Variants in CCK observed in about 807,000 individuals in gnomAD.
The protein encoded by CCK is cholecystokinin, also known as cholecystokinin triacontatriapeptide.
Under a neutral mutation model 10.1 loss-of-function variants are expected in CCK, and 11 were observed. The observed-to-expected ratio is 1.09, with a 90% CI of 0.69 to 1.81. The LOEUF is 1.81. CCK is among the 40% of genes most tolerant of loss of function. The probability of loss-of-function intolerance (pLI) is 0.00; values close to 1 mark genes in which losing one functional copy is unlikely to be tolerated. For missense variants in CCK, 137 were observed against 159.9 expected, an observed-to-expected ratio of 0.86 and a Z score of 0.77; for synonymous variants, 83 against 71.9, an observed-to-expected ratio of 1.15 and a Z score of -0.78.
intron 4 of CCK, 74 bp downstream of exon 4, chr3:42,263,343 G>C: frequency 6.2e-7 from 1 of 1,608,370 alleles, no homozygotes; most frequent in Non-Finnish European, 8.5e-7. Context: ...TCAGGCTAGC[G>C]CTAGAGAAGA....
chr3:42,263,556 G>C lies in CCK; in HGVS notation c.75C>G (p.Pro25=), dbSNP rs1000640715. ...GCAGCCCGGAGCCCGCGGGATCTGC[G>C]GGAGGCACCGGCTGCGTCAGGGCGC... ...AAGALTQPVP[P]ADPAGSGLQR... Residue 25 remains proline, a synonymous_variant, in exon 4 of 5, where the codon CCC becomes CCG. Transcript: ENST00000396169. 5 of 1,610,622 alleles carry C rather than the reference G, an allele frequency of 3.1e-6. No individual in the cohort carries two copies. The highest frequency in any genetic ancestry group is 1.1e-5 in the South Asian group (1 of 90,882).
rs894909573 is a variant in CCK, at chr3:42,264,916, G to C, written c.-213-9C>G. 6.6e-6 allele frequency: 1 copy of C among 152,390 alleles called. No individual in the cohort carries two copies. Among genetic ancestry groups the C allele is most frequent in the Non-Finnish European group, 1.5e-5 (1 of 68,166 alleles). The allele number at this position is 152,390 out of a possible 1,614,324, so 9.4% of individuals were successfully genotyped here. On this transcript the variant is annotated splice_polypyrimidine_tract_variant and intron_variant, in intron 2 of 4. Coordinates refer to ENST00000396169, the MANE Select transcript of CCK (RefSeq NM_000729.6). Reference sequence around the variant, plus strand: ...ACCGGTTGAAGTGGCTCCTGGGAGAGAGGGGGAGGTGGTCTAGTGGGGTGG... The same window carrying C: ...ACCGGTTGAAGTGGCTCCTGGGAGACAGGGGGAGGTGGTCTAGTGGGGTGG...
chr3:42,263,328 C>A (rs1489455302), intron 4 of CCK, 89 bp downstream of exon 4: 3 of 1,592,276 alleles, frequency 1.9e-6, no homozygotes, highest in Non-Finnish European at 2.6e-6. Context: ...GAGAGGTCAT[C>A]CCCATCAGGC....
intron 4 of CCK, among the ~76,000 whole-genome samples, chr3:42,262,015 G>A (rs1711221717): frequency 6.6e-6 from 1 of 152,086 alleles, no homozygotes; most frequent in Non-Finnish European, 1.5e-5. Flanking sequence ...TCCTTCTGAA[G>A]CCTCTGGGTC....
chr3:42,258,349 G>C, intron 4 of CCK, 118 bp from the exon 5 acceptor site: 2 of 1,097,724 alleles, frequency 1.8e-6, no homozygotes, highest in South Asian at 3.2e-5. Flanking sequence ...CCACCTTAAA[G>C]GTATCAAAGA....
intron 3 of CCK, 163 bp from the exon 4 acceptor site, chr3:42,263,795 G>A (rs974216651): frequency 1.0e-5 from 13 of 1,260,860 alleles, no homozygotes; most frequent in African/African-American, 9.4e-5. Flanking sequence ...CCCCAGCCGA[G>A]TGCCATGGCG....
chr3:42,258,437 CAAT>C (rs1232401727), intron 4 of CCK, among the ~76,000 whole-genome samples: 1 of 152,128 alleles, frequency 6.6e-6, no homozygotes, highest in Non-Finnish European at 1.5e-5. Context: ...GGAGAGAGGA[CAAT>C]ATATTTACAA....
At chr3:42,259,217 G>C (rs1577101116) in intron 4 of CCK, among the ~76,000 whole-genome samples, 1 of 152,088 alleles carries the variant, frequency 6.6e-6, no homozygotes, top group Non-Finnish European at 1.5e-5. Flanking sequence ...TGGGGGTTAG[G>C]GGAGGGATAG....
chr3:42,257,952 C>T lies in CCK; in HGVS notation c.*146G>A. The T allele has an allele frequency of 1.2e-6, 1 of 827,764 alleles. No homozygotes were observed. Among genetic ancestry groups the T allele is most frequent in the South Asian group, 2.1e-5 (1 of 48,366 alleles). 51.3% of individuals were successfully genotyped at this position (827,764 alleles called of 1,614,324 possible). ...TGGTTGCACTGGACAATCTTACAGA[C>T]ACATTTTTCACATTGAGAACTTAAT... is the stretch of plus-strand genomic sequence containing the variant. On this transcript the variant is annotated 3_prime_UTR_variant, in exon 5 of 5. Coordinates refer to ENST00000396169, the MANE Select transcript of CCK (RefSeq NM_000729.6).
intron 4 of CCK, among the ~76,000 whole-genome samples, chr3:42,261,009 T>C (rs1450652609): frequency 6.6e-6 from 1 of 152,118 alleles, no homozygotes; most frequent in Non-Finnish European, 1.5e-5. Flanking sequence ...ATGGGTATAA[T>C]AATATTCACT....
intron 3 of CCK, among the ~76,000 whole-genome samples, chr3:42,264,250 C>G (rs1711257398): frequency 6.6e-6 from 1 of 152,236 alleles, no homozygotes; most frequent in Non-Finnish European, 1.5e-5. Context: ...GCCCAGCGCT[C>G]AGGCTTCGAA....
chr3:42,263,801 T>A (rs1193960815), intron 3 of CCK, 169 bp from the exon 4 acceptor site: 1 of 1,221,188 alleles, frequency 8.2e-7, no homozygotes, highest in African/African-American at 1.6e-5. Flanking sequence ...CCGAGTGCCA[T>A]GGCGCGCGCC....
In CCK at chr3:42,263,416, C is replaced by T. The variant is rs765774285; in HGVS notation, c.214+1G>A. ...GAGGGATGGGGAGGCAGCATTCTTA[C>T]CTTTCCGGGCCTGCTGGATGTATCT... On this transcript the variant is annotated splice_donor_variant, in intron 4 of 4. Coordinates refer to ENST00000396169, the MANE Select transcript of CCK (RefSeq NM_000729.6). LOFTEE classifies it high-confidence loss of function. 8.1e-6 allele frequency: 13 copies of T among 1,614,064 alleles called. No homozygotes were observed. Among genetic ancestry groups the T allele is most frequent in the Non-Finnish European group, 1.0e-5 (12 of 1,180,036 alleles).
chr3:42,258,858 TAC>T (rs1711174289), intron 4 of CCK, among the ~76,000 whole-genome samples: 1 of 152,178 alleles, frequency 6.6e-6, no homozygotes, highest in African/African-American at 2.4e-5. Context: ...ACTGGGTATA[TAC>T]CCAAAGGATT....
In CCK at chr3:42,265,267, AC is replaced by A. The variant is rs1165986291; in HGVS notation, c.-214+1del. The A allele has an allele frequency of 2.0e-5, 3 of 152,306 alleles. No homozygotes were observed. Among genetic ancestry groups the A allele is most frequent in the Non-Finnish European group, 4.4e-5 (3 of 68,220 alleles). 9.4% of individuals were successfully genotyped at this position (152,306 alleles called of 1,614,324 possible). ...GAGCGTCCGAGGCGCTGGTCTTCAT[AC>A]CTGTGTCGGCTCTTTCGAAGGAGAG... On this transcript the variant is annotated splice_donor_variant, in intron 2 of 4. Coordinates refer to ENST00000396169, the MANE Select transcript of CCK (RefSeq NM_000729.6). LOFTEE classifies it low-confidence loss of function (5UTR_SPLICE).
Position 42,258,054 on chromosome 3 carries a change from G to T in CCK, c.*44C>A. ...TTGTTTTCTTATTCTGCCTCCTCTG[G>T]GTTGGGAGGTTGCTTCCCGTTGGGC... On this transcript the variant is annotated 3_prime_UTR_variant, in exon 5 of 5. Transcript: ENST00000396169. 1 of 1,583,674 alleles carries T rather than the reference G, an allele frequency of 6.3e-7. No homozygotes were observed. The highest frequency in any genetic ancestry group is 8.6e-7 in the Non-Finnish European group (1 of 1,165,012).
rs1348223499 is a variant in CCK, at chr3:42,263,468, G to C, written c.163C>G (p.Arg55Gly). The C allele has an allele frequency of 2.5e-6, 4 of 1,614,044 alleles. No individual in the cohort carries two copies. The highest frequency in any genetic ancestry group is 1.1e-5 in the South Asian group (1 of 91,088). The change falls in exon 4 of 5, where the codon CGA (arginine) becomes GGA (glycine). Residue 55 changes from arginine (R) to glycine (G), a missense_variant. By Grantham distance (125) the Arg-to-Gly change is moderately radical. Coordinates refer to ENST00000396169, the MANE Select transcript of CCK (RefSeq NM_000729.6). The stretch of plus-strand genomic sequence containing the variant: ...GCCAGCAGGGCGCCCAGGTGCGCTC[G>C]GGACTCGCCATCCGTTCTCTGCGAT... Reference protein sequence around the residue: ...RVSQRTDGESRAHLGALLARY... With the variant: ...RVSQRTDGESGAHLGALLARY...
At position 42,263,449 on chromosome 3, in the gene CCK, A is replaced by G; in HGVS notation, c.182T>C (p.Leu61Pro). Residue 61 changes from leucine to proline, a missense_variant, in exon 4 of 5, where the codon CTG (leucine) becomes CCG (proline). Transcript: ENST00000396169. ...DGESRAHLGA[L>P]LARYIQQARK... ...GGCCTGCTGGATGTATCTTGCCAGC[A>G]GGGCGCCCAGGTGCGCTCGGGACTC... The G allele has an allele frequency of 6.2e-7, 1 of 1,614,180 alleles. No individual in the cohort carries two copies. Among genetic ancestry groups the G allele is most frequent in the South Asian group, 1.1e-5 (1 of 91,088 alleles).
intron 4 of CCK, 120 bp downstream of exon 4, chr3:42,263,297 A>C: frequency 6.8e-7 from 1 of 1,477,004 alleles, no homozygotes; most frequent in Non-Finnish European, 9.5e-7. Context: ...GCCAGAAATC[A>C]TGTTGCTTGT....
Sources: allele counts gnomAD v4.1 joint callset (sites outside exome capture counted in the v4.1 genomes callset), GRCh38; gene constraint gnomAD v4.1.1; transcripts MANE v1.5; gene names NCBI Gene and HGNC (gene_info 2026-07-23, HGNC 2026-07-21).